PLXNA4: variants seen among roughly 807,000 people sequenced by gnomAD.
PLXNA4 encodes the protein plexin-A4.
PLXNA4 carries 44 observed loss-of-function variants against 191.8 expected under a neutral mutation model. The ratio of observed to expected loss-of-function variants is 0.23; its 90% CI spans 0.18 to 0.29. PLXNA4 has a LOEUF of 0.29. Ranked by LOEUF, PLXNA4 falls within the 10% of genes least tolerant of loss-of-function variation. PLXNA4 has a pLI of 1.00. For missense variants in PLXNA4, 1,800 were observed against 2,488.8 expected, an observed-to-expected ratio of 0.72 and a Z score of 5.89; for synonymous variants, 1,082 against 1,009.5, an observed-to-expected ratio of 1.07 and a Z score of -1.36.
intron 25 of PLXNA4, 28 bp from the exon 26 acceptor site, chr7:132,148,674 G>A: frequency 1.2e-6 from 2 of 1,613,686 alleles, no homozygotes; most frequent in Non-Finnish European, 1.7e-6. Flanking sequence ...GCGTTTCAGA[G>A]AGGCCCTATG....
chr7:132,208,202 G>T (rs1797688792), intron 10 of PLXNA4, among the ~76,000 whole-genome samples: 2 of 152,206 alleles, frequency 1.3e-5, no homozygotes. Flanking sequence ...GAAAAGAGAG[G>T]CTCCCAGGAA....
chr7:132,250,208 T>C (rs1799199473), intron 4 of PLXNA4, among the ~76,000 whole-genome samples: 1 of 152,176 alleles, frequency 6.6e-6, no homozygotes, highest in Admixed American at 6.5e-5. Flanking sequence ...TGTATTAGTG[T>C]TATGCTAATG....
intron 1 of PLXNA4, among the ~76,000 whole-genome samples, chr7:132,525,699 C>T (rs1799373766): frequency 6.6e-6 from 1 of 152,122 alleles, no homozygotes; most frequent in African/African-American, 2.4e-5. Flanking sequence ...GAAAACATGT[C>T]CCTTTCACCA....
chr7:132,124,871 T>G lies in PLXNA4; in HGVS notation c.*5608A>C, dbSNP rs1794726421. On this transcript the variant is annotated 3_prime_UTR_variant, in exon 32 of 32. Coordinates refer to ENST00000321063, the MANE Select transcript of PLXNA4 (RefSeq NM_020911.2). ...GTATATGAAGGATTTTGTTTCGTTTTGTTTAACTTTGCTTTGCTTTCTGGT... is the reference window on the plus strand; with the variant it reads ...GTATATGAAGGATTTTGTTTCGTTTGGTTTAACTTTGCTTTGCTTTCTGGT... The G allele has an allele frequency of 6.6e-6, 1 of 152,246 alleles. No individual in the cohort carries two copies. Among genetic ancestry groups the G allele is most frequent in the Non-Finnish European group, 1.5e-5 (1 of 68,036 alleles). The allele number at this position is 152,246 out of a possible 1,614,324, so 9.4% of individuals were successfully genotyped here.
chr7:132,189,193 A>G (rs1481757709), intron 14 of PLXNA4, among the ~76,000 whole-genome samples: 1 of 151,896 alleles, frequency 6.6e-6, no homozygotes, highest in Non-Finnish European at 1.5e-5. Context: ...TAGAAGGGGT[A>G]GAAGTGAGTA....
chr7:132,141,815 T>C (rs1795279101), intron 29 of PLXNA4, among the ~76,000 whole-genome samples: 1 of 152,204 alleles, frequency 6.6e-6, no homozygotes, highest in Non-Finnish European at 1.5e-5. Flanking sequence ...TTGCAACCTC[T>C]GCCTCCTGGG....
Position 132,313,255 on chromosome 7 carries a change from T to C in PLXNA4, c.1372-15033A>G, listed in dbSNP as rs191006269. 1.1e-4 allele frequency among the ~76,000 whole-genome samples: 16 copies of C among 149,318 alleles called. No individual in the cohort carries two copies. In the East Asian group the frequency reaches 2.7e-3, roughly 25 times the overall value. On this transcript the variant is annotated intron_variant, in intron 3 of 31. Transcript: ENST00000321063. ...TATTATTTAATGTGTTTCAAGGACA[T>C]GTTAAGGGATAAAATGTATTGGATG...
Position 132,332,683 on chromosome 7 carries a change from T to TA in PLXNA4, c.1372-34462dup, listed in dbSNP as rs772279351. The stretch of plus-strand genomic sequence containing the variant: ...GGGCAACATAGTGAGACCCCATTTC[T>TA]AAAAAAAAAAAAATACAAAACTAAA... On this transcript the variant is annotated intron_variant, in intron 3 of 31. Coordinates refer to ENST00000321063, the MANE Select transcript of PLXNA4 (RefSeq NM_020911.2). Among the ~76,000 whole-genome samples, 225 of 143,216 alleles carry TA rather than the reference T, an allele frequency of 1.6e-3. 1 individual carries two copies. Among genetic ancestry groups the TA allele is most frequent in the Middle Eastern group, 3.5e-3 (1 of 284 alleles). The allele number at this position is 143,216 out of a possible 152,430, so 94.0% of individuals were successfully genotyped here.
intron 3 of PLXNA4, among the ~76,000 whole-genome samples, chr7:132,406,653 G>A (rs1178248336): frequency 6.6e-6 from 1 of 152,046 alleles, no homozygotes; most frequent in Non-Finnish European, 1.5e-5. Context: ...AAAGGTCCAG[G>A]GTTTACCTCA....
chr7:132,466,650 G>C (rs1381245003), intron 3 of PLXNA4, among the ~76,000 whole-genome samples: 1 of 152,148 alleles, frequency 6.6e-6, no homozygotes, highest in African/African-American at 2.4e-5. Flanking sequence ...TCCCCTGGTG[G>C]CAGTGGGATG....
rs376496890 is a variant in PLXNA4 at position 132,487,944 on chromosome 7, A to G, written c.1371+1348T>C. On this transcript the variant is annotated intron_variant, in intron 3 of 31. Coordinates refer to ENST00000321063, the MANE Select transcript of PLXNA4 (RefSeq NM_020911.2). ...AATTCTTTGCAGGGAATTATGAAATACAATTCTTAAAAATGTGTACACAAT... is the reference window on the plus strand; with the variant it reads ...AATTCTTTGCAGGGAATTATGAAATGCAATTCTTAAAAATGTGTACACAAT... Among the ~76,000 whole-genome samples the G allele has an allele frequency of 4.2e-4, 64 of 152,366 alleles. 2 individuals carry two copies. The South Asian group carries it at 0.013, about 32-fold the overall frequency.
intron 2 of PLXNA4, among the ~76,000 whole-genome samples, chr7:132,634,228 C>T (rs869319): frequency 0.013 from 1,978 of 152,156 alleles, 62 homozygotes; most frequent in African/African-American, 0.045. Context: ...TTGAGGTTCC[C>T]GGGTAGAGGA....
At chr7:132,360,118 C>T (rs980454733) in intron 3 of PLXNA4, among the ~76,000 whole-genome samples, 2 of 152,194 alleles carry the variant, frequency 1.3e-5, no homozygotes, top group Non-Finnish European at 2.9e-5. Context: ...CATCCCTTTT[C>T]TTATCCTACC....
At position 132,179,782 on chromosome 7, in the gene PLXNA4, T is replaced by C; in HGVS notation, c.3779A>G (p.Tyr1260Cys). ...IIFIVAVLIA[Y>C]KRKSRESDLT... Reference sequence around the variant, plus strand: ...GTCACTTTCGCGGGACTTGCGTTTATAGGCAATGAGCACGGCCACGATGAA... The same window carrying C: ...GTCACTTTCGCGGGACTTGCGTTTACAGGCAATGAGCACGGCCACGATGAA... Residue 1260 changes from tyrosine (Y) to cysteine (C), a missense_variant, in exon 20 of 32, where the codon TAT becomes TGT. This residue lies in a region of PLXNA4 where 1,397 missense variants were observed against 1,880.4 expected (regional missense o/e 0.74). Transcript: ENST00000321063. 1 of 1,614,016 alleles carries C rather than the reference T, an allele frequency of 6.2e-7. No individual in the cohort carries two copies. The highest frequency in any genetic ancestry group is 8.5e-7 in the Non-Finnish European group (1 of 1,180,034).
intron 3 of PLXNA4, among the ~76,000 whole-genome samples, chr7:132,435,178 G>A (rs559646265): frequency 6.6e-6 from 1 of 152,138 alleles, no homozygotes; most frequent in Non-Finnish European, 1.5e-5. Flanking sequence ...TAGAATGGTG[G>A]CATCATGGAG....
At chr7:132,484,053 G>A (rs931534613) in intron 3 of PLXNA4, among the ~76,000 whole-genome samples, 12 of 152,228 alleles carry the variant, frequency 7.9e-5, no homozygotes, top group Non-Finnish European at 1.6e-4. Context: ...AAGAGGGCCA[G>A]TGTGGCCACA....
chr7:132,245,087 C>T (rs11980162), intron 4 of PLXNA4, among the ~76,000 whole-genome samples: 1,661 of 152,102 alleles, frequency 0.011, 37 homozygotes, highest in African/African-American at 0.037. Context: ...CAGAGCCACA[C>T]GATTAATTAA....
At chr7:132,165,917 G>A (rs900202520) in intron 22 of PLXNA4, among the ~76,000 whole-genome samples, 24 of 152,122 alleles carry the variant, frequency 1.6e-4, no homozygotes, top group African/African-American at 5.3e-4. Flanking sequence ...GTCCTATTGC[G>A]GCTGGGCACG....
At chr7:132,182,213 A>G (rs3734983) in intron 16 of PLXNA4, 23 bp from the exon 17 acceptor site, 417,755 of 1,612,622 alleles carry the variant, frequency 0.26, 54,972 homozygotes, top group Admixed American at 0.38. Flanking sequence ...AAAGAAGGAG[A>G]TGTGTAAATG....
Sources: gnomAD v4.1 joint callset for allele counts (sites outside exome capture counted in the v4.1 genomes callset) on GRCh38, gnomAD v4.1.1 for gene constraint, gnomAD v4.1.1 regional missense constraint, MANE v1.5 for transcripts, NCBI Gene and HGNC (gene_info 2026-07-23, HGNC 2026-07-21) for gene names.